Variants in FSTL5 observed in about 807,000 individuals in gnomAD.
FSTL5 encodes the protein follistatin-related protein 5.
FSTL5 carries 62 observed loss-of-function variants against 89.1 expected under a neutral mutation model. The observed-to-expected ratio is 0.70, with a 90% CI of 0.57 to 0.86. FSTL5 has a LOEUF of 0.86. Ranked by LOEUF, FSTL5 falls within the 40% of genes least tolerant of loss-of-function variation. The pLI is 0.00. For missense variants in FSTL5, 1,057 were observed against 1,001.6 expected (o/e 1.06, Z -0.75); for synonymous variants, 383 against 346.2 (o/e 1.11, Z -1.18).
At chr4:161,535,326 T>A (rs908818006) in intron 10 of FSTL5, among the ~76,000 whole-genome samples, 1 of 152,070 alleles carries the variant, frequency 6.6e-6, no homozygotes, top group Non-Finnish European at 1.5e-5. Context: ...ATATGTAAAC[T>A]ATGCAAGCAA....
At position 161,513,272 on chromosome 4, in the gene FSTL5, G is replaced by GGAGA. The variant is rs6148753; in HGVS notation, c.1313-2852_1313-2849dup. Among the ~76,000 whole-genome samples the GGAGA allele has an allele frequency of 4.8e-3, 529 of 110,014 alleles. 33 individuals carry two copies. Among genetic ancestry groups the GGAGA allele is most frequent in the South Asian group, 8.5e-3 (23 of 2,712 alleles). 72.2% of individuals were successfully genotyped at this position (110,014 alleles called of 152,430 possible). ...ACTGAACTGAACCAAACAAGGAGGG[G>GGAGA]GAGAGAGAGAGAGAGAGAGAGAGAG... On this transcript the variant is annotated intron_variant, in intron 10 of 15. Coordinates refer to ENST00000306100, the MANE Select transcript of FSTL5 (RefSeq NM_020116.5).
At chr4:161,700,626 C>T (rs1738356653) in intron 6 of FSTL5, among the ~76,000 whole-genome samples, 1 of 152,112 alleles carries the variant, frequency 6.6e-6, no homozygotes, top group Admixed American at 6.6e-5. Flanking sequence ...ATCCACCCGC[C>T]TGGGCCTCCC....
At chr4:161,726,563 A>T (rs1739425937) in intron 6 of FSTL5, among the ~76,000 whole-genome samples, 1 of 152,086 alleles carries the variant, frequency 6.6e-6, no homozygotes, top group African/African-American at 2.4e-5. Flanking sequence ...CCTAGTTCTG[A>T]AAAAAGATCA....
chr4:162,040,312 A>G (rs759275170), intron 2 of FSTL5, among the ~76,000 whole-genome samples: 21 of 152,082 alleles, frequency 1.4e-4, no homozygotes, highest in Non-Finnish European at 2.8e-4. Flanking sequence ...TTGGAAATTC[A>G]TGGAACTTGA....
intron 4 of FSTL5, among the ~76,000 whole-genome samples, chr4:161,908,093 G>C (rs1425263628): frequency 1.3e-5 from 2 of 151,816 alleles, no homozygotes; most frequent in Admixed American, 6.6e-5. Flanking sequence ...GAATATCAGG[G>C]ACCAATGCTA....
intron 1 of FSTL5, among the ~76,000 whole-genome samples, chr4:162,151,759 A>G (rs1226196560): frequency 6.6e-6 from 1 of 152,186 alleles, no homozygotes; most frequent in Non-Finnish European, 1.5e-5. Flanking sequence ...TTCAAGAGAA[A>G]CAGTGTGGCT....
chr4:161,910,277 T>A (rs2110826279), intron 4 of FSTL5, among the ~76,000 whole-genome samples: 1 of 152,228 alleles, frequency 6.6e-6, no homozygotes, highest in South Asian at 2.1e-4. Flanking sequence ...TATCCTCAAC[T>A]CTTCATTCTT....
Position 161,855,189 on chromosome 4 carries a change from T to C in FSTL5, c.409+65215A>G, listed in dbSNP as rs144089257. Among the ~76,000 whole-genome samples the C allele has an allele frequency of 3.0e-4, 46 of 152,098 alleles. 1 individual carries two copies. In the East Asian group the frequency reaches 8.3e-3, roughly 27 times the overall value. On this transcript the variant is annotated intron_variant, in intron 4 of 15. Transcript: ENST00000306100. ...GGTAAATTAATTATATTACAATAAA[T>C]ATAAAAATTAAGATTAGCAAAGTTT... is the stretch of plus-strand genomic sequence containing the variant.
At chr4:161,618,793 C>T (rs1449206779) in intron 7 of FSTL5, among the ~76,000 whole-genome samples, 1 of 152,020 alleles carries the variant, frequency 6.6e-6, no homozygotes, top group Non-Finnish European at 1.5e-5. Flanking sequence ...CAATGCCATC[C>T]CCATCAAGCT....
intron 10 of FSTL5, among the ~76,000 whole-genome samples, chr4:161,526,880 T>C (rs1354857675): frequency 1.3e-5 from 2 of 152,216 alleles, no homozygotes; most frequent in African/African-American, 4.8e-5. Flanking sequence ...TCAGGTATCG[T>C]GATGGCTCCA....
chr4:161,997,081 T>G (rs973094524), intron 3 of FSTL5, among the ~76,000 whole-genome samples: 3 of 152,196 alleles, frequency 2.0e-5, no homozygotes, highest in African/African-American at 7.2e-5. Flanking sequence ...TTTATTGTTT[T>G]ACAACATTTT....
chr4:161,944,617 A>G (rs973804306), intron 3 of FSTL5, among the ~76,000 whole-genome samples: 2 of 151,814 alleles, frequency 1.3e-5, no homozygotes, highest in Non-Finnish European at 2.9e-5. Context: ...AAATTACGTT[A>G]TAAAAAGTTG....
At chr4:161,832,667 T>C (rs1454207840) in intron 4 of FSTL5, among the ~76,000 whole-genome samples, 1 of 152,212 alleles carries the variant, frequency 6.6e-6, no homozygotes, top group Non-Finnish European at 1.5e-5. Flanking sequence ...TTTATTTGCG[T>C]AAAGGTGTTT....
At chr4:161,475,679 A>C (rs961753815) in intron 13 of FSTL5, among the ~76,000 whole-genome samples, 1 of 151,922 alleles carries the variant, frequency 6.6e-6, no homozygotes, top group Non-Finnish European at 1.5e-5. Context: ...GAGCATCTTT[A>C]AGATAGTTAT....
In FSTL5 at chr4:162,163,455, A is replaced by T. The variant is rs1213872287; in HGVS notation, c.-17+160T>A. ...TTGTCTTGTAATAATAATAATAATA[A>T]TAATAATAATAATAGTAATTATTAA... On this transcript the variant is annotated intron_variant, in intron 1 of 15. Coordinates refer to ENST00000306100, the MANE Select transcript of FSTL5 (RefSeq NM_020116.5). 4.9e-3 allele frequency among the ~76,000 whole-genome samples: 590 copies of T among 121,006 alleles called. 3 individuals are homozygous for T. The highest frequency in any genetic ancestry group is 0.017 in the African/African-American group (472 of 27,716). 79.4% of individuals were successfully genotyped at this position (121,006 alleles called of 152,430 possible).
chr4:161,469,494 T>A (rs1167502244), intron 13 of FSTL5, among the ~76,000 whole-genome samples: 1 of 152,164 alleles, frequency 6.6e-6, no homozygotes, highest in Non-Finnish European at 1.5e-5. Flanking sequence ...GCCATCCTAA[T>A]GGGTATGAGG....
intron 2 of FSTL5, among the ~76,000 whole-genome samples, chr4:162,088,400 C>CTA (rs1186555764): frequency 2.0e-5 from 3 of 151,908 alleles, no homozygotes; most frequent in Admixed American, 6.6e-5. Flanking sequence ...CATTTTGTAT[C>CTA]TATATATATC....
chr4:161,743,643 G>A (rs1340260389), intron 6 of FSTL5, among the ~76,000 whole-genome samples: 1 of 151,906 alleles, frequency 6.6e-6, no homozygotes, highest in East Asian at 1.9e-4. Flanking sequence ...GAATGGTATT[G>A]TTATTTTAAC....
intron 7 of FSTL5, among the ~76,000 whole-genome samples, chr4:161,607,881 T>C (rs891193403): frequency 6.6e-6 from 1 of 152,190 alleles, no homozygotes; most frequent in Non-Finnish European, 1.5e-5. Flanking sequence ...GATGAAATTC[T>C]ATAACCACAT....
Sources: gnomAD v4.1 joint callset for allele counts (sites outside exome capture counted in the v4.1 genomes callset) on GRCh38, gnomAD v4.1.1 for gene constraint, MANE v1.5 for transcripts, NCBI Gene and HGNC (gene_info 2026-07-23, HGNC 2026-07-21) for gene names.